The following HINT3 variants were observed in gnomAD, a reference collection of about 807,000 sequenced individuals.
The protein encoded by HINT3 is adenosine 5'-monophosphoramidase HINT3.
Under a neutral mutation model 19.1 loss-of-function variants are expected in HINT3, and 16 were observed. The ratio of observed to expected loss-of-function variants is 0.84; its 90% CI spans 0.57 to 1.27. The LOEUF (loss-of-function observed/expected upper bound fraction) is 1.27, where lower values mean the gene tolerates loss of function less well. Among genes scored for constraint, HINT3 ranks in the 50% most tolerant of loss-of-function variants. The pLI is 0.00. For missense variants in HINT3, 197 were observed against 225.8 expected (o/e 0.87, Z 0.82); for synonymous variants, 75 against 84.8 (o/e 0.88, Z 0.63).
chr6:125,977,709 G>C lies in HINT3; in HGVS notation c.*33G>C, dbSNP rs774049144. ...AAGAGTGGAAGATTTTTCTAATCTT[G>C]GTTCAGCATGAAGTGGTATTTAGGT... On this transcript the variant is annotated 3_prime_UTR_variant, in exon 5 of 5. Coordinates refer to ENST00000229633, the MANE Select transcript of HINT3 (RefSeq NM_138571.5). 7.1e-7 allele frequency: 1 copy of C among 1,404,590 alleles called. No individual in the cohort carries two copies. Among genetic ancestry groups the C allele is most frequent in the South Asian group, 1.3e-5 (1 of 74,174 alleles). 87.0% of individuals were successfully genotyped at this position (1,404,590 alleles called of 1,614,324 possible).
rs1033973652 is a variant in HINT3, at chr6:125,960,657, G to GGGGGT, written c.201+3483_201+3484insTGGGG. 3.6e-5 allele frequency among the ~76,000 whole-genome samples: 5 copies of GGGGGT among 138,574 alleles called. 1 individual carries two copies. Among genetic ancestry groups the GGGGGT allele is most frequent in the South Asian group, 2.6e-4 (1 of 3,784 alleles). 90.9% of individuals were successfully genotyped at this position (138,574 alleles called of 152,430 possible). The stretch of plus-strand genomic sequence containing the variant: ...GGGTGACAGAGCAAGACTCTCTCTG[G>GGGGGT]GGGGGGGGAAAAAAAAAGAAGTTAG... On this transcript the variant is annotated intron_variant, in intron 1 of 4. Transcript: ENST00000229633.
At chr6:125,974,066 A>G (rs1032649068) in intron 3 of HINT3, among the ~76,000 whole-genome samples, 7 of 152,214 alleles carry the variant, frequency 4.6e-5, no homozygotes, top group Non-Finnish European at 7.3e-5. Context: ...CTGCTGCAGT[A>G]TAGCACTTCT....
intron 1 of HINT3, among the ~76,000 whole-genome samples, chr6:125,962,959 A>T (rs2128710896): frequency 6.6e-6 from 1 of 152,370 alleles, no homozygotes; most frequent in South Asian, 2.1e-4. Context: ...TAGATAAAAA[A>T]TAATGAAAAA....
In HINT3 at chr6:125,956,816, C is replaced by G. The variant is rs928283800; in HGVS notation, c.-162C>G. The G allele has an allele frequency of 4.3e-5, 33 of 763,712 alleles. No individual in the cohort carries two copies. The highest frequency in any genetic ancestry group is 7.7e-4 in the Middle Eastern group (2 of 2,594). The allele number at this position is 763,712 out of a possible 1,614,324, so 47.3% of individuals were successfully genotyped here. On this transcript the variant is annotated 5_prime_UTR_variant, in exon 1 of 5. Transcript: ENST00000229633. ...AGGCCGGCCTCCGGCTTTGAAGTTCCTCACCGCGTCTCCTTCCCTCTCCCC... is the reference window on the plus strand; with the variant it reads ...AGGCCGGCCTCCGGCTTTGAAGTTCGTCACCGCGTCTCCTTCCCTCTCCCC...
At chr6:125,974,699 G>T in intron 3 of HINT3, 148 bp from the exon 4 acceptor site, 1 of 717,878 alleles carries the variant, frequency 1.4e-6, no homozygotes, top group Non-Finnish European at 2.3e-6. Flanking sequence ...CCTCTGAAGT[G>T]CATAAAGAGA....
chr6:125,961,471 C>G (rs1308516488), intron 1 of HINT3, among the ~76,000 whole-genome samples: 1 of 152,182 alleles, frequency 6.6e-6, no homozygotes, highest in East Asian at 1.9e-4. Flanking sequence ...GTTGCAAGTC[C>G]AGGCCTCTGG....
chr6:125,975,010 A>G, intron 4 of HINT3, 37 bp downstream of exon 4: 1 of 1,598,320 alleles, frequency 6.3e-7, no homozygotes, highest in Non-Finnish European at 8.5e-7. Flanking sequence ...ATACAAAAAT[A>G]TTTAAAATAT....
rs1356607127 is a variant in HINT3, at chr6:125,980,159, G to A, written c.*2483G>A. On this transcript the variant is annotated 3_prime_UTR_variant, in exon 5 of 5. Transcript: ENST00000229633. ...GGTATCAAGAGCATTGTTTATGCATGTTGTGATACTATTTGTGGAACTGTT... is the reference window on the plus strand; with the variant it reads ...GGTATCAAGAGCATTGTTTATGCATATTGTGATACTATTTGTGGAACTGTT... 1 of 152,168 alleles carries A rather than the reference G, an allele frequency of 6.6e-6. No individual in the cohort carries two copies. 9.4% of individuals were successfully genotyped at this position (152,168 alleles called of 1,614,324 possible). A position where few individuals can be genotyped will look rare whatever the true frequency, so the allele number is the denominator to read the frequency against.
At chr6:125,969,822 G>A (rs1789073946) in intron 2 of HINT3, among the ~76,000 whole-genome samples, 1 of 152,038 alleles carries the variant, frequency 6.6e-6, no homozygotes, top group Non-Finnish European at 1.5e-5. Flanking sequence ...ACTGATTTTT[G>A]TACATTGAAT....
intron 1 of HINT3, among the ~76,000 whole-genome samples, chr6:125,962,171 T>C (rs1450413274): frequency 2.1e-4 from 4 of 19,372 alleles, no homozygotes; most frequent in Non-Finnish European, 3.3e-4. Flanking sequence ...CACATATATA[T>C]ATATATATAT....
At chr6:125,976,912 T>A (rs1299360836) in intron 4 of HINT3, among the ~76,000 whole-genome samples, 1 of 152,140 alleles carries the variant, frequency 6.6e-6, no homozygotes, top group Admixed American at 6.5e-5. Context: ...TAGACTTTAT[T>A]TTTTAGAGCT....
chr6:125,974,479 G>A (rs1230725773), intron 3 of HINT3, among the ~76,000 whole-genome samples: 1 of 152,192 alleles, frequency 6.6e-6, no homozygotes, highest in Non-Finnish European at 1.5e-5. Flanking sequence ...GACTACTTGA[G>A]TGTCCAGTGA....
At chr6:125,972,204 A>G (rs2128711783) in intron 2 of HINT3, 55 bp from the exon 3 acceptor site, 7 of 1,159,882 alleles carry the variant, frequency 6.0e-6, no homozygotes, top group Non-Finnish European at 6.3e-6. Context: ...ATCAATGGCA[A>G]TTTGTGACCT....
At chr6:125,960,658 G>A (rs1198643633) in intron 1 of HINT3, among the ~76,000 whole-genome samples, 3 of 144,020 alleles carry the variant, frequency 2.1e-5, no homozygotes, top group Non-Finnish European at 3.1e-5. Context: ...CTCTCTCTGG[G>A]GGGGGGGAAA....
At position 125,962,312 on chromosome 6, in the gene HINT3, C is replaced by CAT. The variant is rs766700449; in HGVS notation, c.202-4558_202-4557dup. On this transcript the variant is annotated intron_variant, in intron 1 of 4. Coordinates refer to ENST00000229633, the MANE Select transcript of HINT3 (RefSeq NM_138571.5). The stretch of plus-strand genomic sequence containing the variant: ...CACATATATATATATATATATCACA[C>CAT]ATATATATATATATATATCACACAC... Among the ~76,000 whole-genome samples the CAT allele has an allele frequency of 1.0e-3, 44 of 43,844 alleles. 6 individuals carry two copies. Among genetic ancestry groups the CAT allele is most frequent in the Middle Eastern group, 0.019 (2 of 106 alleles). 28.8% of individuals were successfully genotyped at this position (43,844 alleles called of 152,430 possible).
chr6:125,962,978 G>A (rs956771765), intron 1 of HINT3, among the ~76,000 whole-genome samples: 29 of 152,290 alleles, frequency 1.9e-4, no homozygotes, highest in Admixed American at 1.1e-3. Context: ...AAGTAATTGA[G>A]TAACACTGGA....
At chr6:125,957,204 T>A in intron 1 of HINT3, 26 bp downstream of exon 1, 1 of 1,535,230 alleles carries the variant, frequency 6.5e-7, no homozygotes, top group South Asian at 1.2e-5. Flanking sequence ...CGGCCGGGGG[T>A]GGGTGAGGAC....
At chr6:125,957,425 C>G (rs1050491905) in intron 1 of HINT3, among the ~76,000 whole-genome samples, 1 of 152,204 alleles carries the variant, frequency 6.6e-6, no homozygotes, top group Non-Finnish European at 1.5e-5. Context: ...GTGGCTCCAG[C>G]GGTATCTTTG....
At chr6:125,975,823 G>A (rs550716902) in intron 4 of HINT3, among the ~76,000 whole-genome samples, 2 of 152,198 alleles carry the variant, frequency 1.3e-5, no homozygotes, top group Admixed American at 6.5e-5. Context: ...TGATCCACCC[G>A]CCTTGGTGTC....
Sources: allele counts gnomAD v4.1 joint callset (sites outside exome capture counted in the v4.1 genomes callset), GRCh38; gene constraint gnomAD v4.1.1; transcripts MANE v1.5; gene names NCBI Gene and HGNC (gene_info 2026-07-23, HGNC 2026-07-21).